Variants in CSMD1 observed in about 807,000 individuals in gnomAD.
CSMD1 encodes CUB and sushi domain-containing protein 1.
In CSMD1, 213 loss-of-function variants were observed where a neutral mutation model predicts 417.5. The observed-to-expected ratio is 0.51, with a 90% confidence interval of 0.46 to 0.57. The LOEUF (loss-of-function observed/expected upper bound fraction) is 0.57. Ranked by LOEUF, CSMD1 falls within the 20% of genes least tolerant of loss-of-function variation. CSMD1 has a pLI of 0.00. For missense variants in CSMD1, 6,923 were observed against 4,529.7 expected (o/e 1.53, Z -15.17); for synonymous variants, 2,862 against 1,736.8 (o/e 1.65, Z -16.11).
chr8:4,331,550 T>G (rs1476067154), intron 3 of CSMD1, among the ~76,000 whole-genome samples: 1 of 152,182 alleles, frequency 6.6e-6, no homozygotes, highest in African/African-American at 2.4e-5. Flanking sequence ...CCTGGCAGTA[T>G]GAATTAAATC....
At chr8:3,877,194 A>C (rs1271577135) in intron 5 of CSMD1, among the ~76,000 whole-genome samples, 2 of 152,148 alleles carry the variant, frequency 1.3e-5, no homozygotes, top group East Asian at 3.9e-4. Context: ...TGGAAGAAGG[A>C]AGTGGACACT....
chr8:3,771,291 T>C (rs1798560048), intron 5 of CSMD1, among the ~76,000 whole-genome samples: 1 of 152,200 alleles, frequency 6.6e-6, no homozygotes, highest in South Asian at 2.1e-4. Context: ...CTGCACCTGC[T>C]GGTGCTTCTG....
At chr8:3,847,798 G>A (rs555842134) in intron 5 of CSMD1, among the ~76,000 whole-genome samples, 2 of 152,168 alleles carry the variant, frequency 1.3e-5, no homozygotes, top group South Asian at 2.1e-4. Flanking sequence ...ATATAGTTGG[G>A]TGCCAATAAT....
intron 23 of CSMD1, among the ~76,000 whole-genome samples, chr8:3,320,294 G>A (rs1253544769): frequency 6.6e-6 from 1 of 152,108 alleles, no homozygotes; most frequent in Non-Finnish European, 1.5e-5. Context: ...TTCTGTCCCG[G>A]ACTCAGCCCT....
At chr8:3,714,886 G>C (rs1476996323) in intron 6 of CSMD1, among the ~76,000 whole-genome samples, 2 of 152,054 alleles carry the variant, frequency 1.3e-5, no homozygotes, top group Non-Finnish European at 2.9e-5. Flanking sequence ...AACATGTTTT[G>C]AACACAACAC....
chr8:3,499,599 A>C (rs1056969241), intron 10 of CSMD1, among the ~76,000 whole-genome samples: 1 of 152,042 alleles, frequency 6.6e-6, no homozygotes, highest in Non-Finnish European at 1.5e-5. Context: ...AGTGTGCCTC[A>C]AGAATTCAGC....
chr8:4,123,928 CTTAT>C (rs1210884245), intron 3 of CSMD1, among the ~76,000 whole-genome samples: 1 of 152,040 alleles, frequency 6.6e-6, no homozygotes, highest in Non-Finnish European at 1.5e-5. Flanking sequence ...AAAGAAGTTT[CTTAT>C]TTGTCAATTA....
At chr8:4,525,806 T>C (rs1246402103) in intron 2 of CSMD1, among the ~76,000 whole-genome samples, 2 of 152,104 alleles carry the variant, frequency 1.3e-5, no homozygotes, top group South Asian at 2.1e-4. Context: ...TCAATTACTA[T>C]CTAGAAGCAG....
chr8:3,847,522 C>T (rs1803589232), intron 5 of CSMD1, among the ~76,000 whole-genome samples: 1 of 152,080 alleles, frequency 6.6e-6, no homozygotes. Context: ...AAGATAATTC[C>T]AGCCTAAGGT....
intron 2 of CSMD1, among the ~76,000 whole-genome samples, chr8:4,544,569 A>C (rs145409223): frequency 2.6e-5 from 4 of 152,296 alleles, no homozygotes; most frequent in African/African-American, 9.6e-5. Flanking sequence ...ACAGAAGGAA[A>C]AATTTATATA....
intron 3 of CSMD1, among the ~76,000 whole-genome samples, chr8:4,360,296 C>T (rs1042881412): frequency 6.6e-6 from 1 of 152,132 alleles, no homozygotes; most frequent in African/African-American, 2.4e-5. Flanking sequence ...ATAGTGGTCC[C>T]CAAATGCATC....
chr8:3,134,265 G>A (rs149037815), intron 41 of CSMD1, among the ~76,000 whole-genome samples: 2 of 152,326 alleles, frequency 1.3e-5, no homozygotes, highest in Non-Finnish European at 2.9e-5. Context: ...AAGGGCAAGG[G>A]TTCTGATGTC....
In CSMD1 at chr8:3,316,402, C is replaced by G. The variant is rs531873032; in HGVS notation, c.3632-7899G>C. 2.0e-5 allele frequency among the ~76,000 whole-genome samples: 3 copies of G among 152,234 alleles called. No individual in the cohort carries two copies. In the East Asian group the frequency reaches 5.8e-4, roughly 29 times the overall value. On this transcript the variant is annotated intron_variant, in intron 23 of 69. Coordinates refer to ENST00000635120, the MANE Select transcript of CSMD1 (RefSeq NM_033225.6). The stretch of plus-strand genomic sequence containing the variant: ...TAAAATAAAACGGCTCCTATCTTCC[C>G]CTGTCTAATGAATGACAGATAGGAA...
At position 3,997,785 on chromosome 8, in the gene CSMD1, A is replaced by T. The variant is rs1200430403; in HGVS notation, c.818+118T>A. The stretch of plus-strand genomic sequence containing the variant: ...CAGAGCCAAAAGAGCAAGGCGAAAA[A>T]AGGAACACACATGCTTGCCCATGAA... On this transcript the variant is annotated intron_variant, in intron 5 of 69. Transcript: ENST00000635120. The T allele has an allele frequency of 4.5e-6, 4 of 880,422 alleles. No individual in the cohort carries two copies. The African/African-American group carries it at 6.8e-5, about 15-fold the overall frequency. 54.5% of individuals were successfully genotyped at this position (880,422 alleles called of 1,614,324 possible).
intron 2 of CSMD1, among the ~76,000 whole-genome samples, chr8:4,448,824 G>A (rs187250687): frequency 8.3e-4 from 126 of 152,102 alleles, no homozygotes; most frequent in African/African-American, 2.8e-3. Context: ...TCTGGGACAG[G>A]GTAAAAGGTA....
In CSMD1 at chr8:4,718,070, C is replaced by G. The variant is rs556984991; in HGVS notation, c.86-80512G>C. Among the ~76,000 whole-genome samples the G allele has an allele frequency of 2.6e-5, 4 of 152,304 alleles. No homozygotes were observed. In the South Asian group the frequency reaches 8.3e-4, roughly 32 times the overall value. On this transcript the variant is annotated intron_variant, in intron 1 of 69. Transcript: ENST00000635120. ...ACAGCTCCCTGCAGCCTCTACCTCC[C>G]TGGATCAGGAGATCCTCCCACTTCC...
Position 3,970,300 on chromosome 8 carries a change from G to C in CSMD1, c.818+27603C>G, listed in dbSNP as rs1348857376. ...AGCCTTTGAAACAGTCTTTCTAAGA[G>C]TAGAGGCACGGTGATCAACACAGAG... On this transcript the variant is annotated intron_variant, in intron 5 of 69. Transcript: ENST00000635120. 2.6e-5 allele frequency among the ~76,000 whole-genome samples: 4 copies of C among 152,144 alleles called. No homozygotes were observed. The South Asian group carries it at 6.2e-4, about 24-fold the overall frequency.
At chr8:4,441,917 C>T (rs531105919) in intron 2 of CSMD1, among the ~76,000 whole-genome samples, 2 of 152,278 alleles carry the variant, frequency 1.3e-5, no homozygotes, top group East Asian at 3.9e-4. Context: ...CTTTATAAAT[C>T]TTATCAGCTT....
intron 3 of CSMD1, among the ~76,000 whole-genome samples, chr8:4,334,597 C>T (rs1366666122): frequency 6.6e-6 from 1 of 152,090 alleles, no homozygotes; most frequent in African/African-American, 2.4e-5. Flanking sequence ...ATTTTTATTT[C>T]TCTATCTGTA....
Sources: gnomAD v4.1 joint callset for allele counts (sites outside exome capture counted in the v4.1 genomes callset) on GRCh38, gnomAD v4.1.1 for gene constraint, MANE v1.5 for transcripts, NCBI Gene and HGNC (gene_info 2026-07-23, HGNC 2026-07-21) for gene names.